Variants in DRC9 observed in about 807,000 individuals in gnomAD.
The protein encoded by DRC9 is dynein regulatory complex protein 9.
chr3:197,913,918 C>G, the DRC9 span: 18 of 1,614,000 alleles, frequency 1.1e-5, no homozygotes, highest in Non-Finnish European at 1.5e-5. Flanking sequence ...TGTTCTGTTA[C>G]ACTTTTTCTG....
chr3:197,889,576 T>G, the DRC9 span: 1 of 1,614,192 alleles, frequency 6.2e-7, no homozygotes, highest in Non-Finnish European at 8.5e-7. Flanking sequence ...AAAAGAGAAC[T>G]TGGTCACTTC....
the DRC9 span, chr3:197,916,107 G>C: frequency 6.6e-6 from 1 of 152,002 alleles, no homozygotes; most frequent in South Asian, 2.1e-4. Context: ...CAAGTAGCTA[G>C]TACTACAGGT....
chr3:197,892,745 C>CAGAG, the DRC9 span: 3 of 1,614,156 alleles, frequency 1.9e-6, no homozygotes. Flanking sequence ...AGAACTCCAG[C>CAGAG]CTCTCCTCAA....
At chr3:197,954,821 T>C in the DRC9 span, among the ~76,000 whole-genome samples, 2 of 152,218 alleles carry the variant, frequency 1.3e-5, no homozygotes, top group African/African-American at 4.8e-5. Flanking sequence ...AATAAATAGT[T>C]TTCTGGTGAA....
chr3:197,897,861 C>A, the DRC9 span, among the ~76,000 whole-genome samples: 1 of 151,318 alleles, frequency 6.6e-6, no homozygotes, highest in Admixed American at 6.6e-5. Flanking sequence ...AGCTCCGCCT[C>A]CCGGGTTCAT....
At chr3:197,927,852 C>G in the DRC9 span, among the ~76,000 whole-genome samples, 1 of 149,512 alleles carries the variant, frequency 6.7e-6, no homozygotes, top group Non-Finnish European at 1.5e-5. Context: ...CAAACTGTCA[C>G]AAGGACAGAA....
At chr3:197,945,708 G>T in the DRC9 span, 1 of 959,806 alleles carries the variant, frequency 1.0e-6, no homozygotes, top group South Asian at 1.5e-5. Flanking sequence ...AAGAAACACT[G>T]AGATTAGTTT....
chr3:197,938,523 A>G, the DRC9 span: 1 of 1,560,788 alleles, frequency 6.4e-7, no homozygotes, highest in Non-Finnish European at 8.8e-7. Context: ...ACGTTATTTC[A>G]CTGCCAAATG....
At chr3:197,903,321 A>G in the DRC9 span, among the ~76,000 whole-genome samples, 8 of 152,234 alleles carry the variant, frequency 5.3e-5, no homozygotes, top group Admixed American at 2.0e-4. Context: ...AACCAAAGCA[A>G]AAATGAACAA....
chr3:197,920,608 A>C, the DRC9 span, among the ~76,000 whole-genome samples: 1 of 151,986 alleles, frequency 6.6e-6, no homozygotes, highest in African/African-American at 2.4e-5. Flanking sequence ...GTGTTTTACT[A>C]TTGTTTTTGT....
the DRC9 span, among the ~76,000 whole-genome samples, chr3:197,937,759 G>T: frequency 3.9e-5 from 6 of 152,012 alleles, no homozygotes; most frequent in Non-Finnish European, 8.8e-5. Flanking sequence ...ATTACAGGTT[G>T]AGCCCCCGCG....
At chr3:197,916,735 T>C in the DRC9 span, among the ~76,000 whole-genome samples, 3 of 151,984 alleles carry the variant, frequency 2.0e-5, no homozygotes, top group Admixed American at 6.6e-5. Flanking sequence ...TAAGTAACCA[T>C]TGGAAGAAAA....
chr3:197,939,871 T>C, the DRC9 span, among the ~76,000 whole-genome samples: 1 of 152,090 alleles, frequency 6.6e-6, no homozygotes, highest in Non-Finnish European at 1.5e-5. Flanking sequence ...CCTCTACCTT[T>C]ATACTTGGAC....
At chr3:197,928,941 C>T in the DRC9 span, among the ~76,000 whole-genome samples, 11 of 152,194 alleles carry the variant, frequency 7.2e-5, no homozygotes, top group Admixed American at 2.0e-4. Flanking sequence ...CCAGGTGGAG[C>T]GATCAAAAGT....
At chr3:197,940,292 G>A in the DRC9 span, among the ~76,000 whole-genome samples, 3 of 145,266 alleles carry the variant, frequency 2.1e-5, no homozygotes, top group Admixed American at 6.8e-5. Flanking sequence ...CACCGTGCCT[G>A]GCCTCTAAAA....
chr3:197,944,471 CAG>C, the DRC9 span, among the ~76,000 whole-genome samples: 12 of 148,852 alleles, frequency 8.1e-5, no homozygotes, highest in Non-Finnish European at 8.9e-5. Context: ...TTTTTTGAGA[CAG>C]AGTCTCACTA....
At chr3:197,933,084 CAT>C in the DRC9 span, among the ~76,000 whole-genome samples, 1 of 135,920 alleles carries the variant, frequency 7.4e-6, no homozygotes, top group Admixed American at 7.8e-5. Flanking sequence ...ATATAAAATA[CAT>C]ATATTATACA....
chr3:197,927,873 C>T, the DRC9 span, among the ~76,000 whole-genome samples: 2 of 150,636 alleles, frequency 1.3e-5, no homozygotes, highest in African/African-American at 4.9e-5. Flanking sequence ...AACCAAACAC[C>T]GCATGTTCTC....
the DRC9 span, among the ~76,000 whole-genome samples, chr3:197,947,590 CA>C: frequency 1.3e-5 from 2 of 152,196 alleles, no homozygotes; most frequent in Admixed American, 1.3e-4. Context: ...CTCACCTTTT[CA>C]CCGTGTAAAG....
Sources: allele counts gnomAD v4.1 joint callset (sites outside exome capture counted in the v4.1 genomes callset), GRCh38; gene constraint gnomAD v4.1.1; transcripts MANE v1.5; gene names NCBI Gene and HGNC (gene_info 2026-07-23, HGNC 2026-07-21).